The following C1orf141 variants were observed in gnomAD, a reference collection of about 807,000 sequenced individuals.
C1orf141 encodes uncharacterized protein C1orf141.
In C1orf141, 19 loss-of-function variants were observed where a neutral mutation model predicts 23.2. That is an observed-to-expected ratio of 0.82 (90% CI 0.57 to 1.20). C1orf141 has a LOEUF of 1.20. Ranked by LOEUF, C1orf141 falls within the 50% of genes most tolerant of loss-of-function variation. C1orf141 has a pLI of 0.00. For missense variants in C1orf141, 469 were observed against 455.1 expected (o/e 1.03, Z -0.28); for synonymous variants, 153 against 154.6 (o/e 0.99, Z 0.08).
intron 5 of C1orf141, among the ~76,000 whole-genome samples, chr1:67,099,495 T>G (rs867195557): frequency 6.6e-6 from 1 of 152,080 alleles, no homozygotes; most frequent in Non-Finnish European, 1.5e-5. Flanking sequence ...AGAACACAGA[T>G]GGGGCTGAGT....
At chr1:67,140,538 G>A (rs1309790490) in intron 1 of C1orf141, among the ~76,000 whole-genome samples, 2 of 152,102 alleles carry the variant, frequency 1.3e-5, no homozygotes, top group Non-Finnish European at 2.9e-5. Flanking sequence ...TTGGCAAGCT[G>A]GGGAAAGGAA....
intron 5 of C1orf141, among the ~76,000 whole-genome samples, chr1:67,106,615 G>A (rs942615539): frequency 2.0e-5 from 3 of 152,080 alleles, no homozygotes; most frequent in Non-Finnish European, 2.9e-5. Flanking sequence ...CTGAGATTGC[G>A]CCACTGCACT....
At chr1:67,134,066 C>T (rs570944003) in intron 1 of C1orf141, among the ~76,000 whole-genome samples, 2 of 152,158 alleles carry the variant, frequency 1.3e-5, no homozygotes, top group Admixed American at 6.5e-5. Flanking sequence ...GCAGTGGCTG[C>T]GATCTCAGCT....
intron 5 of C1orf141, among the ~76,000 whole-genome samples, chr1:67,097,647 T>C (rs1645712253): frequency 6.6e-6 from 1 of 152,220 alleles, no homozygotes; most frequent in African/African-American, 2.4e-5. Flanking sequence ...AGAACAATAA[T>C]GCAGTTTCAT....
intron 2 of C1orf141, among the ~76,000 whole-genome samples, chr1:67,127,811 T>C (rs1646444992): frequency 6.6e-6 from 1 of 151,990 alleles, no homozygotes; most frequent in Non-Finnish European, 1.5e-5. Context: ...CTTTTTGTAT[T>C]TTTAGTAGAG....
intron 6 of C1orf141, chr1:67,095,761 C>A: frequency 4.9e-6 from 1 of 203,970 alleles, no homozygotes; most frequent in African/African-American, 2.3e-5. Flanking sequence ...CAGCTTCATG[C>A]CAACATAGGG....
rs760984750 is a variant in C1orf141, at chr1:67,125,856, T to C, written c.129A>G (p.Thr43=). ...GRKTTMAIPL[T]FDFQLEFEEA... is the part of the protein sequence containing the mutation. ...CTTCAAATTCCAACTGAAAATCAAA[T>C]GTCAGGGGTATAGCCATAGTTGTTT... The change falls in exon 4 of 8, where the codon ACA becomes ACG. Residue 43 remains threonine (T), a synonymous_variant. Transcript: ENST00000684719. 1 of 1,610,912 alleles carries C rather than the reference T, an allele frequency of 6.2e-7. No homozygotes were observed. Among genetic ancestry groups the C allele is most frequent in the Non-Finnish European group, 8.5e-7 (1 of 1,179,672 alleles).
chr1:67,107,033 A>C (rs548453805), intron 5 of C1orf141, among the ~76,000 whole-genome samples: 11 of 152,346 alleles, frequency 7.2e-5, no homozygotes, highest in African/African-American at 2.6e-4. Context: ...GAAAGCAAAA[A>C]TTATAATACT....
At chr1:67,095,580 T>C in intron 6 of C1orf141, 159 bp from the exon 7 acceptor site, 2 of 532,624 alleles carry the variant, frequency 3.8e-6, no homozygotes, top group Non-Finnish European at 6.5e-6. Flanking sequence ...TCCTGCCTGG[T>C]TTGTGGGAGA....
chr1:67,137,326 A>G (rs1171219537), upstream of C1orf141, among the ~76,000 whole-genome samples: 1 of 152,204 alleles, frequency 6.6e-6, no homozygotes, highest in Non-Finnish European at 1.5e-5. Flanking sequence ...TCAGTCCCGA[A>G]ATAACAAATG....
chr1:67,135,645 T>G (rs78917656), upstream of C1orf141, among the ~76,000 whole-genome samples: 5,708 of 152,256 alleles, frequency 0.037, 105 homozygotes, highest in East Asian at 0.075. Context: ...GCCATGGGAA[T>G]CATTTATTTT....
At chr1:67,138,503 T>C (rs149256310), upstream of C1orf141, among the ~76,000 whole-genome samples, 39 of 152,340 alleles carry the variant, frequency 2.6e-4, no homozygotes, top group Admixed American at 1.8e-3. Flanking sequence ...GTAAATATCA[T>C]TGTACCCTGG....
intron 5 of C1orf141, among the ~76,000 whole-genome samples, chr1:67,103,033 T>G (rs1645839892): frequency 6.6e-6 from 1 of 152,124 alleles, no homozygotes; most frequent in Non-Finnish European, 1.5e-5. Flanking sequence ...TTTGGTTAAC[T>G]AAGTAAAACA....
chr1:67,131,707 T>G (rs1462167598), intron 1 of C1orf141, among the ~76,000 whole-genome samples: 2 of 152,106 alleles, frequency 1.3e-5, no homozygotes, highest in Non-Finnish European at 2.9e-5. Context: ...CTGCATTTCC[T>G]TCTACTCAGA....
chr1:67,105,744 A>G (rs1645912282), intron 5 of C1orf141, among the ~76,000 whole-genome samples: 1 of 152,174 alleles, frequency 6.6e-6, no homozygotes, highest in African/African-American at 2.4e-5. Context: ...AAGTATTGAC[A>G]CTTGGTATAA....
chr1:67,138,946 G>A (rs1211129729), upstream of C1orf141: 4 of 152,330 alleles, frequency 2.6e-5, no homozygotes, highest in Non-Finnish European at 5.9e-5. Context: ...TTTATTCCGG[G>A]ACTTTGAGCC....
rs1468651734 is a variant in C1orf141 at position 67,096,280 on chromosome 1, C to A, written c.388G>T (p.Gly130Cys). ...TTATTTCTATCACCTTCTAAGAGAC[C>A]AACAGAATCCAATGGTTTCCTAGGT... ...KKPRKPLDSV[G>C]LLEGDRNKRK... The change falls in exon 6 of 8, where the codon GGT becomes TGT. Residue 130 changes from glycine (G) to cysteine (C), a missense_variant. Around this residue, in one of 3 missense-constraint regions of C1orf141, gnomAD observed 370 missense variants for 348.1 expected, o/e 1.06. Transcript: ENST00000684719. The A allele has an allele frequency of 6.6e-7, 1 of 1,524,996 alleles. No homozygotes were observed. Among genetic ancestry groups the A allele is most frequent in the Non-Finnish European group, 8.9e-7 (1 of 1,123,428 alleles). 94.5% of individuals were successfully genotyped at this position (1,524,996 alleles called of 1,614,324 possible).
chr1:67,126,490 AC>A (rs1463178170), intron 3 of C1orf141, among the ~76,000 whole-genome samples: 21 of 152,226 alleles, frequency 1.4e-4, no homozygotes, highest in Non-Finnish European at 1.5e-5. Context: ...AGAGATGAAA[AC>A]CCTGAAAGCA....
At chr1:67,111,571 A>G (rs779441231) in intron 5 of C1orf141, 10 of 1,203,978 alleles carry the variant, frequency 8.3e-6, no homozygotes, top group African/African-American at 1.6e-5. Flanking sequence ...TACAAATTAC[A>G]CCTACCTCAG....
Sources: gnomAD v4.1 joint callset for allele counts (sites outside exome capture counted in the v4.1 genomes callset) on GRCh38, gnomAD v4.1.1 for gene constraint, gnomAD v4.1.1 regional missense constraint, MANE v1.5 for transcripts, NCBI Gene and HGNC (gene_info 2026-07-23, HGNC 2026-07-21) for gene names.